TFPI: variants seen among roughly 807,000 people sequenced by gnomAD.
TFPI encodes the protein tissue factor pathway inhibitor, also known as anti-convertin.
Under a neutral mutation model 34.6 loss-of-function variants are expected in TFPI, and 15 were observed. The observed-to-expected ratio is 0.43, with a 90% CI of 0.29 to 0.67. The LOEUF (loss-of-function observed/expected upper bound fraction) is 0.67. TFPI is among the 30% of genes least tolerant of loss of function. The pLI is 0.15. For missense variants in TFPI, 301 were observed against 364.0 expected, an observed-to-expected ratio of 0.83 and a Z score of 1.41; for synonymous variants, 105 against 120.1, an observed-to-expected ratio of 0.87 and a Z score of 0.82.
At chr2:187,527,639 T>C (rs539937148) in intron 1 of TFPI, among the ~76,000 whole-genome samples, 3 of 152,298 alleles carry the variant, frequency 2.0e-5, no homozygotes, top group African/African-American at 7.2e-5. Context: ...ATATATGACA[T>C]AAAATTAAAA....
chr2:187,501,270 A>G (rs1216660688), intron 2 of TFPI, among the ~76,000 whole-genome samples: 1 of 152,024 alleles, frequency 6.6e-6, no homozygotes, highest in Admixed American at 6.6e-5. Context: ...CTCATAGTCT[A>G]AAGGTTACAA....
intron 1 of TFPI, among the ~76,000 whole-genome samples, chr2:187,530,571 A>G (rs1487833321): frequency 1.3e-5 from 2 of 152,220 alleles, no homozygotes; most frequent in Non-Finnish European, 2.9e-5. Context: ...TTGCTTCTAT[A>G]TAAAATCTCT....
intron 6 of TFPI, among the ~76,000 whole-genome samples, chr2:187,473,355 T>G (rs1692173328): frequency 1.3e-5 from 2 of 152,118 alleles, no homozygotes; most frequent in South Asian, 4.1e-4. Flanking sequence ...TATTCTATAT[T>G]GTTCGGGCTC....
At chr2:187,520,788 A>G (rs537132520) in intron 1 of TFPI, among the ~76,000 whole-genome samples, 28 of 152,072 alleles carry the variant, frequency 1.8e-4, no homozygotes, top group Non-Finnish European at 3.8e-4. Context: ...GTATGGACTC[A>G]TGGATATATA....
chr2:187,495,823 C>T (rs1559117953), intron 3 of TFPI, among the ~76,000 whole-genome samples: 1 of 152,086 alleles, frequency 6.6e-6, no homozygotes, highest in South Asian at 2.1e-4. Context: ...TGTATCCAAC[C>T]AGCTCTACGA....
intron 2 of TFPI, 142 bp downstream of exon 2, chr2:187,503,506 T>C (rs1005406939): frequency 6.7e-5 from 42 of 625,738 alleles, no homozygotes; most frequent in Non-Finnish European, 8.6e-5. Context: ...CACACATACA[T>C]TAGGTATAAT....
chr2:187,526,061 T>C (rs1399306809), intron 1 of TFPI, among the ~76,000 whole-genome samples: 1 of 152,144 alleles, frequency 6.6e-6, no homozygotes, highest in Non-Finnish European at 1.5e-5. Context: ...GTGACTAGCT[T>C]GATAATGTTA....
chr2:187,464,918 C>T lies in TFPI; in HGVS notation c.*2018G>A, dbSNP rs1445141465. The T allele has an allele frequency of 6.6e-6, 1 of 152,184 alleles. No individual in the cohort carries two copies. The highest frequency in any genetic ancestry group is 2.4e-5 in the African/African-American group (1 of 41,448). The allele number at this position is 152,184 out of a possible 1,614,324, so 9.4% of individuals were successfully genotyped here. On this transcript the variant is annotated 3_prime_UTR_variant, in exon 8 of 8. Coordinates refer to ENST00000233156, the MANE Select transcript of TFPI (RefSeq NM_006287.6). ...AACATAGTGATTCTGTAGCTGGCAT[C>T]AGCTGTACCCTGACTTCACATGAAT...
intron 1 of TFPI, among the ~76,000 whole-genome samples, chr2:187,543,355 T>C (rs1349815452): frequency 2.0e-5 from 3 of 152,222 alleles, no homozygotes; most frequent in Admixed American, 6.5e-5. Context: ...TGATAATGAC[T>C]AGAAGATAAT....
At chr2:187,524,574 T>A (rs1337651610) in intron 1 of TFPI, among the ~76,000 whole-genome samples, 1 of 152,186 alleles carries the variant, frequency 6.6e-6, no homozygotes, top group East Asian at 1.9e-4. Flanking sequence ...TAAATTAGAA[T>A]AAACTTTGTG....
At chr2:187,468,270 C>CAA (rs1328370716) in intron 6 of TFPI, among the ~76,000 whole-genome samples, 1 of 151,628 alleles carries the variant, frequency 6.6e-6, no homozygotes, top group Admixed American at 6.6e-5. Flanking sequence ...CACACACACA[C>CAA]ACACACACAC....
rs1196679879 is a variant in TFPI at position 187,506,838 on chromosome 2, T to C, written c.-2-3068A>G. Among the ~76,000 whole-genome samples, 4 of 152,292 alleles carry C rather than the reference T, an allele frequency of 2.6e-5. No homozygotes were observed. The East Asian group carries it at 7.7e-4, about 29-fold the overall frequency. ...ACTGCTGATATTGATCTTAAACACC[T>C]GACTGGGGTAATGATTGTTAGATTT... On this transcript the variant is annotated intron_variant, in intron 1 of 7. Coordinates refer to ENST00000233156, the MANE Select transcript of TFPI (RefSeq NM_006287.6).
At chr2:187,532,814 A>T (rs1247209737) in intron 1 of TFPI, among the ~76,000 whole-genome samples, 5 of 152,158 alleles carry the variant, frequency 3.3e-5, no homozygotes, top group African/African-American at 1.2e-4. Flanking sequence ...GAGCCCAGCA[A>T]GCTAAGATCC....
chr2:187,471,529 C>T (rs1692034393), intron 6 of TFPI, among the ~76,000 whole-genome samples: 2 of 152,058 alleles, frequency 1.3e-5, no homozygotes, highest in Non-Finnish European at 2.9e-5. Context: ...AAGACACTAA[C>T]CTGACTTTTG....
chr2:187,496,657 A>G (rs1185317513), intron 3 of TFPI, among the ~76,000 whole-genome samples: 1 of 152,076 alleles, frequency 6.6e-6, no homozygotes, highest in Non-Finnish European at 1.5e-5. Context: ...GCATATAGAG[A>G]GTTTCTGGTA....
intron 3 of TFPI, among the ~76,000 whole-genome samples, chr2:187,494,809 G>C (rs1685359810): frequency 6.6e-6 from 1 of 152,032 alleles, no homozygotes; most frequent in Non-Finnish European, 1.5e-5. Context: ...TGCAACGTCT[G>C]GCTCCTGGTT....
chr2:187,503,311 A>C (rs1250372393), intron 2 of TFPI, among the ~76,000 whole-genome samples: 4 of 152,132 alleles, frequency 2.6e-5, no homozygotes, highest in Non-Finnish European at 5.9e-5. Context: ...GGGTAGCATC[A>C]AATGTCATAG....
intron 1 of TFPI, among the ~76,000 whole-genome samples, chr2:187,520,354 A>G (rs1574486016): frequency 6.6e-6 from 1 of 152,054 alleles, no homozygotes. Context: ...AGAGTGCACC[A>G]TTCCTCAGGG....
intron 1 of TFPI, among the ~76,000 whole-genome samples, chr2:187,537,532 C>A (rs1164373412): frequency 6.6e-6 from 1 of 152,118 alleles, no homozygotes; most frequent in Non-Finnish European, 1.5e-5. Context: ...AACTGGCTAG[C>A]CATATGCAGA....
Sources: gnomAD v4.1 joint callset for allele counts (sites outside exome capture counted in the v4.1 genomes callset) on GRCh38, gnomAD v4.1.1 for gene constraint, MANE v1.5 for transcripts, NCBI Gene and HGNC (gene_info 2026-07-23, HGNC 2026-07-21) for gene names.